SEZ6L: variants seen among roughly 807,000 people sequenced by gnomAD.
SEZ6L encodes seizure related 6 homolog like, also known as seizure 6-like protein.
A neutral mutation model predicts 106.2 loss-of-function variants in SEZ6L; 37 were observed. That is an observed-to-expected ratio of 0.35 (90% confidence interval 0.27 to 0.46). The LOEUF (loss-of-function observed/expected upper bound fraction) is 0.46. SEZ6L is among the 20% of genes least tolerant of loss of function. The probability of loss-of-function intolerance (pLI) is 1.00; values close to 1 mark genes in which losing one functional copy is unlikely to be tolerated. For synonymous variants in SEZ6L, 541 were observed against 570.4 expected, an observed-to-expected ratio of 0.95 and a Z score of 0.73; for missense variants, 1,172 against 1,332.8, an observed-to-expected ratio of 0.88 and a Z score of 1.88.
rs1301766267 is a variant in SEZ6L at position 26,310,667 on chromosome 22, C to A, written c.1515-3C>A. ...TGTCCCTCCTCTCTGCTCCCACTGC[C>A]AGGATGACGGTTCACAGCGGGCAGA... is the stretch of plus-strand genomic sequence containing the variant. On this transcript the variant is annotated splice_polypyrimidine_tract_variant and splice_region_variant and intron_variant, in intron 6 of 16. Coordinates refer to ENST00000248933, the MANE Select transcript of SEZ6L (RefSeq NM_021115.5). The A allele has an allele frequency of 8.7e-6, 14 of 1,614,100 alleles. No homozygotes were observed. Among genetic ancestry groups the A allele is most frequent in the Non-Finnish European group, 1.2e-5 (14 of 1,179,974 alleles).
At chr22:26,273,825 T>C (rs621983) in intron 1 of SEZ6L, among the ~76,000 whole-genome samples, 77,510 of 152,002 alleles carry the variant, frequency 0.51, 21,078 homozygotes, top group African/African-American at 0.62. Context: ...TGGGGTAGGA[T>C]GGGATAGAAT....
At chr22:26,228,221 C>G (rs916477900) in intron 1 of SEZ6L, among the ~76,000 whole-genome samples, 8 of 152,092 alleles carry the variant, frequency 5.3e-5, no homozygotes, top group African/African-American at 1.9e-4. Flanking sequence ...GAAAAACAAA[C>G]GAGCTAGAAA....
At chr22:26,304,420 G>GAA (rs1569454488) in intron 5 of SEZ6L, among the ~76,000 whole-genome samples, 1 of 142,932 alleles carries the variant, frequency 7.0e-6, no homozygotes, top group Non-Finnish European at 1.5e-5. Context: ...AAGAAAGAAA[G>GAA]AAAGAAAGAA....
At chr22:26,218,297 A>T (rs1297174822) in intron 1 of SEZ6L, among the ~76,000 whole-genome samples, 2 of 152,188 alleles carry the variant, frequency 1.3e-5, no homozygotes, top group Non-Finnish European at 2.9e-5. Flanking sequence ...CAGGTTTGTT[A>T]CATAGGTACA....
chr22:26,212,229 A>T (rs1472294345), intron 1 of SEZ6L, among the ~76,000 whole-genome samples: 1 of 152,198 alleles, frequency 6.6e-6, no homozygotes, highest in South Asian at 2.1e-4. Context: ...AGATCATGGC[A>T]CGGGGCCTGG....
intron 8 of SEZ6L, among the ~76,000 whole-genome samples, chr22:26,312,294 T>C (rs1424405313): frequency 6.6e-6 from 1 of 152,240 alleles, no homozygotes; most frequent in African/African-American, 2.4e-5. Flanking sequence ...AATAACCTCA[T>C]TAATAAGAAC....
intron 14 of SEZ6L, among the ~76,000 whole-genome samples, chr22:26,374,330 T>G (rs914527063): frequency 3.3e-5 from 5 of 151,982 alleles, no homozygotes; most frequent in Admixed American, 3.3e-4. Flanking sequence ...TCTTTAGCTT[T>G]CTGACAATAA....
chr22:26,313,630 C>A (rs1442504261), intron 8 of SEZ6L, 134 bp from the exon 9 acceptor site: 5 of 936,042 alleles, frequency 5.3e-6, no homozygotes, highest in South Asian at 1.6e-5. Context: ...GCTGGCTGCC[C>A]GAGGTGAAGA....
intron 1 of SEZ6L, among the ~76,000 whole-genome samples, chr22:26,230,284 A>G (rs989590783): frequency 4.0e-5 from 6 of 151,806 alleles, no homozygotes; most frequent in Admixed American, 3.9e-4. Flanking sequence ...AGAAAAAAAG[A>G]TAACCATTTG....
intron 1 of SEZ6L, among the ~76,000 whole-genome samples, chr22:26,215,969 A>C (rs1328315356): frequency 6.6e-6 from 1 of 152,234 alleles, no homozygotes; most frequent in Non-Finnish European, 1.5e-5. Context: ...AGCAGAGCAG[A>C]GGTCCCGGAT....
chr22:26,346,649 A>G (rs2083017162), intron 10 of SEZ6L, among the ~76,000 whole-genome samples: 1 of 152,206 alleles, frequency 6.6e-6, no homozygotes, highest in Admixed American at 6.5e-5. Flanking sequence ...CTGGATGATG[A>G]ACTTCCAAAT....
intron 9 of SEZ6L, 76 bp from the exon 10 acceptor site, chr22:26,340,360 T>C: frequency 7.1e-7 from 1 of 1,411,106 alleles, no homozygotes; most frequent in African/African-American, 1.4e-5. Flanking sequence ...TTGTATTGCC[T>C]GAAAAAGTTA....
At position 26,299,060 on chromosome 22, in the gene SEZ6L, G is replaced by A; in HGVS notation, c.1239G>A (p.Gly413=). 1 of 1,607,698 alleles carries A rather than the reference G, an allele frequency of 6.2e-7. No individual in the cohort carries two copies. The highest frequency in any genetic ancestry group is 1.1e-5 in the South Asian group (1 of 89,874). Residue 413 remains glycine (G), a synonymous_variant, in exon 5 of 17, where the codon GGG becomes GGA. Transcript: ENST00000248933. ...CGGTGATGGACCTGCACTCAGGTGG[G>A]GTGGCCCACTTTCACTGCCACCTGG... ...DVTVMDLHSG[G]VAHFHCHLGY...
intron 10 of SEZ6L, among the ~76,000 whole-genome samples, chr22:26,343,602 G>T (rs1329675866): frequency 2.0e-5 from 3 of 152,104 alleles, no homozygotes; most frequent in East Asian, 3.9e-4. Context: ...TGCACACCAG[G>T]ATATAGAGAT....
chr22:26,355,272 C>T lies in SEZ6L; in HGVS notation c.2599+4029C>T, dbSNP rs142580795. Among the ~76,000 whole-genome samples, 371 of 152,280 alleles carry T rather than the reference C, an allele frequency of 2.4e-3. 6 individuals carry two copies. The highest frequency in any genetic ancestry group is 8.5e-3 in the African/African-American group (354 of 41,556). On this transcript the variant is annotated intron_variant, in intron 12 of 16. Coordinates refer to ENST00000248933, the MANE Select transcript of SEZ6L (RefSeq NM_021115.5). ...AGGGTGAGTAGCTTTCCTGAGGTCA[C>T]ACAACAGAAAGGAAGAACAGAATTC...
rs12158882 is a variant in SEZ6L at position 26,342,472 on chromosome 22, G to A, written c.2212+1840G>A. ...TGGGAGGCTGAGGCGGGCAGATTAC[G>A]AGGTCAGGAGATCGAGACCATCCTG... On this transcript the variant is annotated intron_variant, in intron 10 of 16. Coordinates refer to ENST00000248933, the MANE Select transcript of SEZ6L (RefSeq NM_021115.5). Among the ~76,000 whole-genome samples the A allele has an allele frequency of 6.7e-3, 1,022 of 151,784 alleles. 11 individuals are homozygous for A. Among genetic ancestry groups the A allele is most frequent in the African/African-American group, 0.023 (970 of 41,356 alleles).
rs778748771 is a variant in SEZ6L at position 26,347,908 on chromosome 22, A to T, written c.2402A>T (p.Glu801Val). 3.8e-6 allele frequency: 6 copies of T among 1,567,698 alleles called. No homozygotes were observed. Among genetic ancestry groups the T allele is most frequent in the Non-Finnish European group, 4.3e-6 (5 of 1,164,136 alleles). The change falls in exon 11 of 17, where the codon GAG (glutamate) becomes GTG (valine). Residue 801 changes from glutamate to valine, a missense_variant. Physicochemically the swap from Glu to Val is moderately radical, Grantham distance 121. Transcript: ENST00000248933. ...TGGAGCAGCGACCCCCCATTTTGTG[A>T]GAAAAGTAAGAGTGGTCTTGTTTCC... ...LSWSSDPPFC[E>V]KIMYCTDPGE...
chr22:26,322,752 T>A (rs2082192001), intron 9 of SEZ6L, among the ~76,000 whole-genome samples: 2 of 152,216 alleles, frequency 1.3e-5, no homozygotes, highest in South Asian at 4.1e-4. Context: ...CAACTTGGGA[T>A]GAGTCAGGAG....
chr22:26,370,052 G>A (rs1268795998), intron 13 of SEZ6L, among the ~76,000 whole-genome samples: 2 of 151,956 alleles, frequency 1.3e-5, no homozygotes, highest in Non-Finnish European at 2.9e-5. Flanking sequence ...TTGTTGATGA[G>A]TTTTCTGCAG....
Sources: gnomAD v4.1 joint callset for allele counts (sites outside exome capture counted in the v4.1 genomes callset) on GRCh38, gnomAD v4.1.1 for gene constraint, MANE v1.5 for transcripts, NCBI Gene and HGNC (gene_info 2026-07-23, HGNC 2026-07-21) for gene names.